ASH1L: variants seen among roughly 807,000 people sequenced by gnomAD.
The protein encoded by ASH1L is histone-lysine N-methyltransferase ASH1L.
A neutral mutation model predicts 269.0 loss-of-function variants in ASH1L; 23 were observed. The observed-to-expected ratio is 0.09, with a 90% CI of 0.06 to 0.12. The LOEUF (loss-of-function observed/expected upper bound fraction) is 0.12. Among genes scored for constraint, ASH1L ranks in the 10% least tolerant of loss-of-function variants. The pLI, the probability that ASH1L is intolerant of heterozygous loss-of-function variation, is 1.00. For missense variants in ASH1L, 2,912 were observed against 3,567.8 expected (o/e 0.82, Z 4.68); for synonymous variants, 1,187 against 1,253.5 (o/e 0.95, Z 1.12).
chr1:155,388,292 TTTTC>T (rs1046956270), intron 7 of ASH1L, among the ~76,000 whole-genome samples: 8 of 152,230 alleles, frequency 5.3e-5, no homozygotes, highest in Admixed American at 2.0e-4. Flanking sequence ...GACCTTTTTC[TTTTC>T]TTTCTTTGTT....
chr1:155,344,016 T>C (rs1428939044), intron 22 of ASH1L, among the ~76,000 whole-genome samples, 167 bp downstream of exon 22: 3 of 152,236 alleles, frequency 2.0e-5, no homozygotes, highest in Non-Finnish European at 2.9e-5. Flanking sequence ...TAGTATTATT[T>C]GGTGGAGAGG....
In ASH1L at chr1:155,380,047, TTG is replaced by T. The variant is rs1465101785; in HGVS notation, c.6171_6172del (p.His2057GlnfsTer13). 1 of 1,610,674 alleles carries T rather than the reference TTG, an allele frequency of 6.2e-7. No homozygotes were observed. Among genetic ancestry groups the T allele is most frequent in the South Asian group, 1.1e-5 (1 of 90,884 alleles). ...GGTAAAACAGGCTCTCTGTACCTGA[TTG>T]TGTTTCCACTGCCAAAGGATATCAT... On this transcript the variant is annotated frameshift_variant, in exon 8 of 28. Coordinates refer to ENST00000392403, the MANE Select transcript of ASH1L (RefSeq NM_018489.3). LOFTEE classifies it high-confidence loss of function.
chr1:155,481,528 C>G lies in ASH1L; in HGVS notation c.1342G>C (p.Glu448Gln), dbSNP rs762901137. The change falls in exon 3 of 28, where the codon GAA (glutamate) becomes CAA (glutamine). Residue 448 changes from glutamate to glutamine, a missense_variant. Around this residue, in one of 13 missense-constraint regions of ASH1L, gnomAD observed 715 missense variants for 721.0 expected, o/e 0.99. Coordinates refer to ENST00000392403, the MANE Select transcript of ASH1L (RefSeq NM_018489.3). ...ASCSTNINNQ[E>Q]SQELSESLKD... Reference sequence around the variant, plus strand: ...AGGGATTCAGAAAGTTCCTGACTTTCCTGATTATTGATGTTTGTACTACAA... The same window carrying G: ...AGGGATTCAGAAAGTTCCTGACTTTGCTGATTATTGATGTTTGTACTACAA... The G allele has an allele frequency of 6.8e-6, 11 of 1,614,124 alleles. No individual in the cohort carries two copies. The highest frequency in any genetic ancestry group is 9.3e-6 in the Non-Finnish European group (11 of 1,180,008).
At position 155,562,162 on chromosome 1, in the gene ASH1L, G is replaced by A. The variant is rs1672028158; in HGVS notation, c.-109C>T. 6.3e-7 allele frequency: 1 copy of A among 1,577,942 alleles called. No individual in the cohort carries two copies. Among genetic ancestry groups the A allele is most frequent in the South Asian group, 1.1e-5 (1 of 88,600 alleles). The stretch of plus-strand genomic sequence containing the variant: ...AAATCGTTCTACTCACCGTGTCGGA[G>A]GCCGAGGCCGAGGCCGAGAGCGATG... On this transcript the variant is annotated 5_prime_UTR_variant, in exon 1 of 28. Coordinates refer to ENST00000392403, the MANE Select transcript of ASH1L (RefSeq NM_018489.3).
At chr1:155,539,146 AT>A (rs1670255230) in intron 1 of ASH1L, among the ~76,000 whole-genome samples, 1 of 151,604 alleles carries the variant, frequency 6.6e-6, no homozygotes, top group African/African-American at 2.4e-5. Context: ...TAATTTTTTA[AT>A]TTTTATTTTT....
At chr1:155,394,096 T>C (rs1315396183) in intron 7 of ASH1L, among the ~76,000 whole-genome samples, 2 of 152,142 alleles carry the variant, frequency 1.3e-5, no homozygotes, top group African/African-American at 2.4e-5. Context: ...ATAAATCGTA[T>C]TGAAGCTGAT....
chr1:155,395,609 G>T, intron 6 of ASH1L, 56 bp from the exon 7 acceptor site: 1 of 1,245,820 alleles, frequency 8.0e-7, no homozygotes, highest in Non-Finnish European at 1.1e-6. Flanking sequence ...TCCTCCTGTG[G>T]TCAAATACAG....
At chr1:155,545,347 T>C (rs1670735036) in intron 1 of ASH1L, among the ~76,000 whole-genome samples, 1 of 151,886 alleles carries the variant, frequency 6.6e-6, no homozygotes, top group African/African-American at 2.4e-5. Flanking sequence ...ACATTTTACA[T>C]ACTCTTTGAC....
Position 155,443,037 on chromosome 1 carries a change from T to C in ASH1L, c.5087-3969A>G, listed in dbSNP as rs575049609. On this transcript the variant is annotated intron_variant, in intron 4 of 27. Coordinates refer to ENST00000392403, the MANE Select transcript of ASH1L (RefSeq NM_018489.3). ...CAAATTAGTGGTTTAATGTATGTAA[T>C]TCTCAAACAATGTTTGGTCCATTAA... Among the ~76,000 whole-genome samples, 6 of 152,364 alleles carry C rather than the reference T, an allele frequency of 3.9e-5. No homozygotes were observed. In the East Asian group the frequency reaches 1.2e-3, roughly 29 times the overall value.
chr1:155,546,073 G>T (rs538766813), intron 1 of ASH1L, among the ~76,000 whole-genome samples: 2 of 150,398 alleles, frequency 1.3e-5, no homozygotes, highest in Non-Finnish European at 2.9e-5. Context: ...CAGGAGAATC[G>T]CTTGAGCCTG....
intron 1 of ASH1L, among the ~76,000 whole-genome samples, chr1:155,542,863 T>C (rs1670529503): frequency 6.6e-6 from 1 of 151,654 alleles, no homozygotes; most frequent in South Asian, 2.1e-4. Context: ...GTATTTTTAG[T>C]ACAGACAGGG....
intron 4 of ASH1L, among the ~76,000 whole-genome samples, chr1:155,451,652 G>T (rs1663479653): frequency 6.6e-6 from 1 of 152,012 alleles, no homozygotes. Flanking sequence ...CCAGTTACTT[G>T]GAGGCTGAGG....
chr1:155,358,984 G>C (rs561186971), intron 13 of ASH1L, among the ~76,000 whole-genome samples: 55 of 152,194 alleles, frequency 3.6e-4, no homozygotes, highest in African/African-American at 1.3e-3. Flanking sequence ...GCGACGCACA[G>C]TGGTACACGC....
chr1:155,345,416 C>T (rs780965677), intron 21 of ASH1L, among the ~76,000 whole-genome samples: 13 of 150,908 alleles, frequency 8.6e-5, no homozygotes, highest in Non-Finnish European at 1.3e-4. Context: ...AACTCCTAAC[C>T]CCATGATCCA....
intron 5 of ASH1L, among the ~76,000 whole-genome samples, chr1:155,418,401 A>C (rs890323953): frequency 8.5e-5 from 13 of 152,132 alleles, no homozygotes; most frequent in Non-Finnish European, 1.8e-4. Context: ...CAAATAAGGC[A>C]CTGGAGATCA....
intron 7 of ASH1L, among the ~76,000 whole-genome samples, chr1:155,392,312 G>GA (rs1657995003): frequency 6.6e-6 from 1 of 152,116 alleles, no homozygotes; most frequent in African/African-American, 2.4e-5. Flanking sequence ...GTGCTTACTT[G>GA]TACTGCTAAC....
rs531693554 is a variant in ASH1L at position 155,501,321 on chromosome 1, G to A, written c.421-18872C>T. Among the ~76,000 whole-genome samples, 161 of 152,278 alleles carry A rather than the reference G, an allele frequency of 1.1e-3. No individual in the cohort carries two copies. In the Middle Eastern group the frequency reaches 0.02, roughly 19 times the overall value. On this transcript the variant is annotated intron_variant, in intron 2 of 27. Coordinates refer to ENST00000392403, the MANE Select transcript of ASH1L (RefSeq NM_018489.3). ...TGAGTAACTGGGATTACAAGCCTAA[G>A]CCACCATGCCCAACTTCAAAATGTT... is the stretch of plus-strand genomic sequence containing the variant.
Position 155,548,273 on chromosome 1 carries a change from G to A in ASH1L, c.-100+13880C>T, listed in dbSNP as rs141669440. Among the ~76,000 whole-genome samples the A allele has an allele frequency of 9.9e-5, 15 of 152,272 alleles. No homozygotes were observed. In the East Asian group the frequency reaches 2.9e-3, roughly 29 times the overall value. ...GCAGTGGCTCACGCCTGTAATCCCA[G>A]CACTTTGGCAGGCCAAAGTGGGTGG... On this transcript the variant is annotated intron_variant, in intron 1 of 27. Transcript: ENST00000392403.
rs576861610 is a variant in ASH1L, at chr1:155,464,250, C to G, written c.4985-4352G>C. ...CAAGAGGTTTATATGAATTCTAGTT[C>G]AAGAAAATCTGACACTTCCTCAAAG... On this transcript the variant is annotated intron_variant, in intron 3 of 27. Transcript: ENST00000392403. Among the ~76,000 whole-genome samples the G allele has an allele frequency of 2.0e-5, 3 of 152,244 alleles. No individual in the cohort carries two copies. The East Asian group carries it at 5.8e-4, about 29-fold the overall frequency.
Sources: allele counts gnomAD v4.1 joint callset (sites outside exome capture counted in the v4.1 genomes callset), GRCh38; gene constraint gnomAD v4.1.1; regional missense constraint gnomAD v4.1.1; transcripts MANE v1.5; gene names NCBI Gene and HGNC (gene_info 2026-07-23, HGNC 2026-07-21).